Variants in DTWD2 observed in about 807,000 individuals in gnomAD.
DTWD2 encodes the protein tRNA-uridine aminocarboxypropyltransferase 2.
Under a neutral mutation model 31.8 loss-of-function variants are expected in DTWD2, and 39 were observed. That is an observed-to-expected ratio of 1.22 (90% CI 0.95 to 1.60). DTWD2 has a LOEUF of 1.60. Among genes scored for constraint, DTWD2 ranks in the 40% most tolerant of loss-of-function variants. The probability of loss-of-function intolerance (pLI) is 0.00; values close to 1 mark genes in which losing one functional copy is unlikely to be tolerated. For missense variants in DTWD2, 515 were observed against 381.5 expected, an observed-to-expected ratio of 1.35 and a Z score of -2.92; for synonymous variants, 180 against 142.8, an observed-to-expected ratio of 1.26 and a Z score of -1.86.
chr5:118,865,078 A>G (rs1752353926), intron 4 of DTWD2, among the ~76,000 whole-genome samples: 1 of 152,142 alleles, frequency 6.6e-6, no homozygotes, highest in Non-Finnish European at 1.5e-5. Context: ...CAATCTCATG[A>G]CTAATTATTT....
At chr5:118,921,634 A>T (rs1006868112) in intron 4 of DTWD2, among the ~76,000 whole-genome samples, 1 of 152,194 alleles carries the variant, frequency 6.6e-6, no homozygotes, top group African/African-American at 2.4e-5. Flanking sequence ...CTCTCCCCCA[A>T]AGGAGGAAGA....
At chr5:118,945,581 G>A (rs1340092416) in intron 1 of DTWD2, among the ~76,000 whole-genome samples, 1 of 151,982 alleles carries the variant, frequency 6.6e-6, no homozygotes, top group Non-Finnish European at 1.5e-5. Flanking sequence ...CCTGGCCAAT[G>A]TGGTGAAACC....
chr5:118,944,468 A>G (rs1207531501), intron 2 of DTWD2, 91 bp downstream of exon 2: 3 of 1,286,530 alleles, frequency 2.3e-6, no homozygotes, highest in African/African-American at 3.0e-5. Context: ...CAGAAATGCT[A>G]AAGAGCTGGT....
intron 4 of DTWD2, among the ~76,000 whole-genome samples, chr5:118,850,927 AT>A (rs1486895247): frequency 5.9e-5 from 9 of 152,206 alleles, no homozygotes; most frequent in African/African-American, 2.2e-4. Flanking sequence ...GCTCAGTATC[AT>A]TAATCTTTAG....
At chr5:118,941,800 G>A (rs1410431913) in intron 2 of DTWD2, among the ~76,000 whole-genome samples, 9 of 152,334 alleles carry the variant, frequency 5.9e-5, no homozygotes, top group Admixed American at 1.3e-4. Context: ...CATCAACAGT[G>A]TAAAAGTGTT....
intron 1 of DTWD2, among the ~76,000 whole-genome samples, chr5:118,969,043 C>A (rs1206819153): frequency 6.6e-6 from 1 of 152,184 alleles, no homozygotes; most frequent in African/African-American, 2.4e-5. Flanking sequence ...CACAACACAG[C>A]AGACTGTGGT....
At chr5:118,914,374 C>G (rs2149572186) in intron 4 of DTWD2, among the ~76,000 whole-genome samples, 1 of 152,266 alleles carries the variant, frequency 6.6e-6, no homozygotes, top group Non-Finnish European at 1.5e-5. Context: ...CCTATCAGTG[C>G]CTTAATATTA....
At chr5:118,854,940 C>A (rs1752095464) in intron 4 of DTWD2, among the ~76,000 whole-genome samples, 1 of 151,908 alleles carries the variant, frequency 6.6e-6, no homozygotes, top group Admixed American at 6.6e-5. Context: ...CACCTGTAAT[C>A]TCAGCAGCAG....
chr5:118,946,907 A>AT (rs1184898368), intron 1 of DTWD2, among the ~76,000 whole-genome samples: 1 of 152,078 alleles, frequency 6.6e-6, no homozygotes, highest in Non-Finnish European at 1.5e-5. Context: ...TGTCCAGCTA[A>AT]TTTTTTATAT....
At chr5:118,913,452 T>C (rs927146560) in intron 4 of DTWD2, among the ~76,000 whole-genome samples, 4 of 140,374 alleles carry the variant, frequency 2.8e-5, no homozygotes, top group East Asian at 2.3e-4. Flanking sequence ...CACACACACG[T>C]GTGTGTGTGT....
rs563692140 is a variant in DTWD2, at chr5:118,917,002, T to C, written c.597+11535A>G. On this transcript the variant is annotated intron_variant, in intron 4 of 5. Coordinates refer to ENST00000510708, the MANE Select transcript of DTWD2 (RefSeq NM_173666.4). ...TCATGAAAATCTATGGAAATTGAGTTTCCTCCCTTCATCCTAACTTGGGTA... is the reference window on the plus strand; with the variant it reads ...TCATGAAAATCTATGGAAATTGAGTCTCCTCCCTTCATCCTAACTTGGGTA... Among the ~76,000 whole-genome samples, 6 of 152,300 alleles carry C rather than the reference T, an allele frequency of 3.9e-5. No homozygotes were observed. In the South Asian group the frequency reaches 1.0e-3, roughly 26 times the overall value.
intron 4 of DTWD2, among the ~76,000 whole-genome samples, chr5:118,868,510 A>C (rs766630951): frequency 6.6e-6 from 1 of 152,222 alleles, no homozygotes; most frequent in African/African-American, 2.4e-5. Context: ...CAAATCATAC[A>C]TCTAATAAGA....
chr5:118,876,909 G>C (rs1234252682), intron 4 of DTWD2, among the ~76,000 whole-genome samples: 1 of 152,066 alleles, frequency 6.6e-6, no homozygotes, highest in Non-Finnish European at 1.5e-5. Context: ...CCAAAACCTG[G>C]CAGAGACACA....
intron 1 of DTWD2, among the ~76,000 whole-genome samples, chr5:118,959,792 A>C (rs1030016370): frequency 1.3e-5 from 2 of 152,204 alleles, no homozygotes; most frequent in South Asian, 4.1e-4. Context: ...GTAAAGCCAC[A>C]TACCTACAAC....
intron 4 of DTWD2, among the ~76,000 whole-genome samples, chr5:118,888,571 G>C (rs1752915753): frequency 6.6e-6 from 1 of 152,168 alleles, no homozygotes; most frequent in Non-Finnish European, 1.5e-5. Context: ...GCATTTACAT[G>C]CAAGTCTTTG....
In DTWD2 at chr5:118,854,317, T is replaced by C. The variant is rs561255091; in HGVS notation, c.598-6099A>G. On this transcript the variant is annotated intron_variant, in intron 4 of 5. Transcript: ENST00000510708. ...ATTGCTTTCTTTTATTCTATGCAAC[T>C]GTAATCTTTTTTTAATAATGCAAAA... Among the ~76,000 whole-genome samples, 4 of 152,244 alleles carry C rather than the reference T, an allele frequency of 2.6e-5. No individual in the cohort carries two copies. The East Asian group carries it at 7.7e-4, about 29-fold the overall frequency.
rs1272085558 is a variant in DTWD2, at chr5:118,984,215, G to T, written c.218+4079C>A. ...GAGGCAGGAGGATCGCTTGAACCTG[G>T]GTGGCAGAGGTTGCGGTCAGCCAAG... On this transcript the variant is annotated intron_variant, in intron 1 of 5. Coordinates refer to ENST00000510708, the MANE Select transcript of DTWD2 (RefSeq NM_173666.4). Among the ~76,000 whole-genome samples, 5 of 152,136 alleles carry T rather than the reference G, an allele frequency of 3.3e-5. No individual in the cohort carries two copies. The East Asian group carries it at 9.6e-4, about 29-fold the overall frequency.
At chr5:118,958,593 A>C (rs1754641991) in intron 1 of DTWD2, among the ~76,000 whole-genome samples, 1 of 151,888 alleles carries the variant, frequency 6.6e-6, no homozygotes, top group Admixed American at 6.6e-5. Flanking sequence ...ACAAAAAAAA[A>C]AAAAAAAGAC....
chr5:118,944,160 C>CT (rs1365150051), intron 2 of DTWD2, among the ~76,000 whole-genome samples: 2 of 152,178 alleles, frequency 1.3e-5, no homozygotes, highest in Non-Finnish European at 2.9e-5. Flanking sequence ...TATACATTCA[C>CT]TTTGTAAGAG....
Sources: allele counts gnomAD v4.1 joint callset (sites outside exome capture counted in the v4.1 genomes callset), GRCh38; gene constraint gnomAD v4.1.1; transcripts MANE v1.5; gene names NCBI Gene and HGNC (gene_info 2026-07-23, HGNC 2026-07-21).